The following TYR variants were observed in gnomAD, a reference collection of about 807,000 sequenced individuals.
TYR encodes tyrosinase.
A neutral mutation model predicts 51.5 loss-of-function variants in TYR; 58 were observed. The ratio of observed to expected loss-of-function variants is 1.13; its 90% CI spans 0.91 to 1.40. The LOEUF is 1.40. Ranked by LOEUF, TYR falls within the 40% of genes most tolerant of loss-of-function variation. TYR has a pLI of 0.00. For synonymous variants in TYR, 263 were observed against 235.2 expected (o/e 1.12, Z -1.08); for missense variants, 732 against 647.4 (o/e 1.13, Z -1.42).
chr11:89,286,580 C>A (rs564376893), intron 4 of TYR, among the ~76,000 whole-genome samples: 1 of 151,820 alleles, frequency 6.6e-6, no homozygotes, highest in Non-Finnish European at 1.5e-5. Flanking sequence ...AATATATACA[C>A]AATTTGGGGC....
chr11:89,240,118 G>A (rs1944172120), intron 3 of TYR, among the ~76,000 whole-genome samples: 1 of 152,104 alleles, frequency 6.6e-6, no homozygotes, highest in Admixed American at 6.6e-5. Flanking sequence ...AGAGCATCAG[G>A]ATGAATAGCT....
intron 3 of TYR, among the ~76,000 whole-genome samples, chr11:89,232,693 C>T (rs1304344990): frequency 1.4e-5 from 2 of 140,746 alleles, no homozygotes; most frequent in Admixed American, 7.1e-5. Flanking sequence ...ACATGTCCCC[C>T]GATTCTAAAA....
chr11:89,237,135 C>T (rs147062460), intron 3 of TYR, among the ~76,000 whole-genome samples: 34 of 152,258 alleles, frequency 2.2e-4, no homozygotes, highest in African/African-American at 7.7e-4. Context: ...ATTTTGGACA[C>T]ATCAATTATC....
chr11:89,179,014 T>G (rs1943266772), intron 1 of TYR, among the ~76,000 whole-genome samples: 1 of 152,206 alleles, frequency 6.6e-6, no homozygotes, highest in Non-Finnish European at 1.5e-5. Flanking sequence ...ACAGAGTACT[T>G]GATTCATTAT....
rs745545070 is a variant in TYR, at chr11:89,191,381, T to C, written c.999T>C (p.Asp333=). 218 of 1,613,664 alleles carry C rather than the reference T, an allele frequency of 1.4e-4. 1 individual carries two copies. Among genetic ancestry groups the C allele is most frequent in the Non-Finnish European group, 1.8e-4 (214 of 1,179,770 alleles). The change falls in exon 2 of 5, where the codon GAT becomes GAC. Residue 333 remains aspartate, a synonymous_variant. Coordinates refer to ENST00000263321, the MANE Select transcript of TYR (RefSeq NM_000372.5). ...CCCAATATGAATCTGGTTCCATGGATAAAGCTGCCAATTTCAGCTTTAGAA... is the reference window on the plus strand; with the variant it reads ...CCCAATATGAATCTGGTTCCATGGACAAAGCTGCCAATTTCAGCTTTAGAA... ...SLTQYESGSM[D]KAANFSFRNT...
rs1464952077 is a variant in TYR at position 89,184,172 on chromosome 11, G to T, written c.819+5400G>T. On this transcript the variant is annotated intron_variant, in intron 1 of 4. Transcript: ENST00000263321. ...TCAAATTATTTCTGGAACCAGGGTA[G>T]ATTTTCTCCTCGTTAGTAATACCTC... Among the ~76,000 whole-genome samples, 133 of 151,320 alleles carry T rather than the reference G, an allele frequency of 8.8e-4. 1 individual carries two copies. Among genetic ancestry groups the T allele is most frequent in the Non-Finnish European group, 1.5e-5 (1 of 67,978 alleles).
At chr11:89,204,028 A>G (rs1009114470) in intron 2 of TYR, among the ~76,000 whole-genome samples, 9 of 152,146 alleles carry the variant, frequency 5.9e-5, no homozygotes, top group African/African-American at 2.2e-4. Flanking sequence ...CCAACCAGGG[A>G]GGAATTAACC....
intron 3 of TYR, among the ~76,000 whole-genome samples, chr11:89,252,964 A>G (rs2135300986): frequency 6.6e-6 from 1 of 151,936 alleles, no homozygotes; most frequent in East Asian, 1.9e-4. Context: ...AAAGTGGTTA[A>G]GTGGTAAATT....
At position 89,257,443 on chromosome 11, in the gene TYR, A is replaced by G. The variant is rs1944406971; in HGVS notation, c.1185-27330A>G. On this transcript the variant is annotated intron_variant, in intron 3 of 4. Transcript: ENST00000263321. ...CTGATTAATTATTCCTTTCTGATTA[A>G]TAGCCATATTATCCGTCTCTGGGAG... 2.6e-5 allele frequency among the ~76,000 whole-genome samples: 4 copies of G among 152,146 alleles called. No individual in the cohort carries two copies. The South Asian group carries it at 8.3e-4, about 32-fold the overall frequency.
intron 4 of TYR, among the ~76,000 whole-genome samples, chr11:89,288,008 T>C (rs1360684149): frequency 6.6e-6 from 1 of 151,954 alleles, no homozygotes; most frequent in East Asian, 1.9e-4. Flanking sequence ...TGATGAATGG[T>C]AGTATAATTC....
At position 89,248,436 on chromosome 11, in the gene TYR, C is replaced by T. The variant is rs6485980; in HGVS notation, c.1184+20466C>T. ...GACCTGTAATTTGACACTGAGACCACGGAGAAGAGGTAGCCATAGAAATCC... is the reference window on the plus strand; with the variant it reads ...GACCTGTAATTTGACACTGAGACCATGGAGAAGAGGTAGCCATAGAAATCC... On this transcript the variant is annotated intron_variant, in intron 3 of 4. Coordinates refer to ENST00000263321, the MANE Select transcript of TYR (RefSeq NM_000372.5). Among the ~76,000 whole-genome samples the T allele has an allele frequency of 3.2e-4, 48 of 152,152 alleles. No individual in the cohort carries two copies. The East Asian group carries it at 7.9e-3, about 25-fold the overall frequency.
intron 4 of TYR, among the ~76,000 whole-genome samples, chr11:89,293,462 G>A (rs1453583463): frequency 1.3e-5 from 2 of 151,734 alleles, no homozygotes; most frequent in Non-Finnish European, 2.9e-5. Context: ...GTTCTCTAAT[G>A]CAGAGGAAAT....
chr11:89,209,835 G>A (rs967345402), intron 2 of TYR, among the ~76,000 whole-genome samples: 15 of 152,088 alleles, frequency 9.9e-5, no homozygotes, highest in African/African-American at 2.9e-4. Flanking sequence ...GGTCTGGAGC[G>A]GACCTCAAGC....
intron 2 of TYR, among the ~76,000 whole-genome samples, chr11:89,222,926 C>T (rs547321926): frequency 6.6e-5 from 10 of 152,196 alleles, no homozygotes; most frequent in African/African-American, 2.4e-4. Flanking sequence ...AAATTTCTTT[C>T]CATGAGGAAT....
chr11:89,260,319 A>C (rs904884631), intron 3 of TYR, among the ~76,000 whole-genome samples: 2 of 151,990 alleles, frequency 1.3e-5, no homozygotes, highest in Non-Finnish European at 2.9e-5. Context: ...GTATATCAAC[A>C]TATGTGTAAC....
intron 3 of TYR, among the ~76,000 whole-genome samples, chr11:89,257,877 C>G (rs759632624): frequency 2.0e-5 from 3 of 151,986 alleles, no homozygotes; most frequent in Non-Finnish European, 2.9e-5. Flanking sequence ...TTATTGAACA[C>G]AGAAATGCTA....
Position 89,178,046 on chromosome 11 carries a change from G to A in TYR, c.93G>A (p.Met31Ile), listed in dbSNP as rs1270102969. ...PRACVSSKNLMEKECCPPWSG... is the reference protein window; with the variant it reads ...PRACVSSKNLIEKECCPPWSG... ...CCTGTGTCTCCTCTAAGAACCTGAT[G>A]GAGAAGGAATGCTGTCCACCGTGGA... The change falls in exon 1 of 5, where the codon ATG becomes ATA. Residue 31 changes from methionine (M) to isoleucine (I), a missense_variant. Coordinates refer to ENST00000263321, the MANE Select transcript of TYR (RefSeq NM_000372.5). 3 of 1,614,072 alleles carry A rather than the reference G, an allele frequency of 1.9e-6. No individual in the cohort carries two copies. Among genetic ancestry groups the A allele is most frequent in the Non-Finnish European group, 2.5e-6 (3 of 1,180,040 alleles).
chr11:89,263,668 T>C (rs558480559), intron 3 of TYR, among the ~76,000 whole-genome samples: 63 of 152,034 alleles, frequency 4.1e-4, no homozygotes, highest in Non-Finnish European at 5.3e-4. Flanking sequence ...AATCAATATA[T>C]AAAAATCAGT....
chr11:89,230,863 C>T (rs1457783488), intron 3 of TYR, among the ~76,000 whole-genome samples: 4 of 147,838 alleles, frequency 2.7e-5, no homozygotes, highest in African/African-American at 5.1e-5. Flanking sequence ...TTTAGAACAG[C>T]TATTAATAAA....
Sources: gnomAD v4.1 joint callset for allele counts (sites outside exome capture counted in the v4.1 genomes callset) on GRCh38, gnomAD v4.1.1 for gene constraint, MANE v1.5 for transcripts, NCBI Gene and HGNC (gene_info 2026-07-23, HGNC 2026-07-21) for gene names.